Variants in NTM observed in about 807,000 individuals in gnomAD.
NTM encodes the protein neurotrimin.
NTM carries 13 observed loss-of-function variants against 42.1 expected under a neutral mutation model. The ratio of observed to expected loss-of-function variants is 0.31; its 90% CI spans 0.20 to 0.49. The LOEUF is 0.49. Among genes scored for constraint, NTM ranks in the 20% least tolerant of loss-of-function variants. The pLI, the probability that NTM is intolerant of heterozygous loss-of-function variation, is 0.99. For synonymous variants in NTM, 187 were observed against 179.2 expected (o/e 1.04, Z -0.35); for missense variants, 373 against 452.8 (o/e 0.82, Z 1.60).
intron 2 of NTM, among the ~76,000 whole-genome samples, chr11:131,919,187 T>C (rs2056868912): frequency 6.6e-6 from 1 of 151,736 alleles, no homozygotes; most frequent in Non-Finnish European, 1.5e-5. Context: ...TTAATGGTAA[T>C]GGCATGTTTG....
At chr11:131,373,064 C>T (rs1389251153) in intron 1 of NTM, among the ~76,000 whole-genome samples, 2 of 152,246 alleles carry the variant, frequency 1.3e-5, no homozygotes, top group East Asian at 1.9e-4. Context: ...CTTCAGTGGT[C>T]GTAATAGAAC....
At chr11:132,265,234 C>G in intron 4 of NTM, among the ~76,000 whole-genome samples, 1 of 152,066 alleles carries the variant, frequency 6.6e-6, no homozygotes, top group Non-Finnish European at 1.5e-5. Flanking sequence ...GCATTTTAAA[C>G]ATAAAAATGC....
intron 1 of NTM, among the ~76,000 whole-genome samples, chr11:131,452,906 G>A (rs1268772268): frequency 6.6e-6 from 1 of 152,164 alleles, no homozygotes; most frequent in Non-Finnish European, 1.5e-5. Context: ...CAAGGGAATG[G>A]CCATCTTCAT....
chr11:132,019,483 GAGATTGTGCTTTT>G (rs1319757285), intron 2 of NTM, among the ~76,000 whole-genome samples: 1 of 151,876 alleles, frequency 6.6e-6, no homozygotes, highest in African/African-American at 2.4e-5. Context: ...GCTGTATTTT[GAGATTGTGCTTTT>G]AGGTATGCAT....
At chr11:131,774,651 G>A (rs911837647) in intron 1 of NTM, among the ~76,000 whole-genome samples, 1 of 152,180 alleles carries the variant, frequency 6.6e-6, no homozygotes, top group Non-Finnish European at 1.5e-5. Context: ...ATTGTAGAAA[G>A]AGTTTATTCT....
At chr11:131,567,148 G>A (rs757521574) in intron 1 of NTM, among the ~76,000 whole-genome samples, 1 of 151,980 alleles carries the variant, frequency 6.6e-6, no homozygotes. Flanking sequence ...GAGACCCTGT[G>A]GGGGACTGGG....
intron 1 of NTM, among the ~76,000 whole-genome samples, chr11:131,848,232 A>C (rs2045151509): frequency 6.6e-6 from 1 of 152,154 alleles, no homozygotes; most frequent in African/African-American, 2.4e-5. Context: ...TACAGGTCTA[A>C]CTTGTGTATT....
chr11:131,543,751 G>A (rs1033844662), intron 1 of NTM, among the ~76,000 whole-genome samples: 7 of 152,296 alleles, frequency 4.6e-5, no homozygotes, highest in South Asian at 4.1e-4. Flanking sequence ...GCTGGTGCCC[G>A]TAGCCCTGCA....
chr11:131,463,602 C>T (rs1050502478), intron 1 of NTM, among the ~76,000 whole-genome samples: 3 of 152,202 alleles, frequency 2.0e-5, no homozygotes, highest in African/African-American at 7.2e-5. Context: ...CTTATTAATA[C>T]ATTTATCAAA....
chr11:132,099,659 C>G (rs1386930006), intron 2 of NTM, among the ~76,000 whole-genome samples: 2 of 152,182 alleles, frequency 1.3e-5, no homozygotes, highest in African/African-American at 4.8e-5. Context: ...AATTCTGCCA[C>G]TGCAGGACAG....
intron 1 of NTM, among the ~76,000 whole-genome samples, chr11:131,585,835 C>G (rs1441913786): frequency 6.6e-6 from 1 of 152,158 alleles, no homozygotes; most frequent in African/African-American, 2.4e-5. Context: ...CACTGTGGCT[C>G]CAGGCCATGT....
chr11:132,052,807 A>G (rs2079050574), intron 2 of NTM, among the ~76,000 whole-genome samples: 1 of 125,694 alleles, frequency 8.0e-6, no homozygotes, highest in African/African-American at 2.9e-5. Context: ...GTGTGTGTAA[A>G]TGCTCATTTA....
chr11:131,747,342 C>G (rs1291804536), intron 1 of NTM, among the ~76,000 whole-genome samples: 1 of 152,218 alleles, frequency 6.6e-6, no homozygotes, highest in Non-Finnish European at 1.5e-5. Context: ...CTGAGTCTTT[C>G]TGCAGAAGCT....
intron 2 of NTM, among the ~76,000 whole-genome samples, chr11:132,073,409 G>T (rs2057961504): frequency 6.6e-6 from 1 of 152,182 alleles, no homozygotes; most frequent in Non-Finnish European, 1.5e-5. Flanking sequence ...CCCCAGCAGT[G>T]CATGATGTTA....
Position 131,910,983 on chromosome 11 carries a change from G to C in NTM, c.83-581G>C, listed in dbSNP as rs549664199. 1.9e-5 allele frequency: 19 copies of C among 996,598 alleles called. 1 individual carries two copies. In the South Asian group the frequency reaches 5.0e-4, roughly 26 times the overall value. The allele number at this position is 996,598 out of a possible 1,614,324, so 61.7% of individuals were successfully genotyped here. A position where few individuals can be genotyped will look rare whatever the true frequency, so the allele number is the denominator to read the frequency against. ...CTGCTATTGTTTCCGATTGTTTTCCGGTGGCGAGCCCGGCTCCGAAACTTA... is the reference window on the plus strand; with the variant it reads ...CTGCTATTGTTTCCGATTGTTTTCCCGTGGCGAGCCCGGCTCCGAAACTTA... On this transcript the variant is annotated intron_variant, in intron 1 of 8. Transcript: ENST00000683400.
chr11:132,242,193 G>A (rs2090326494), intron 4 of NTM, among the ~76,000 whole-genome samples: 1 of 152,176 alleles, frequency 6.6e-6, no homozygotes, highest in Non-Finnish European at 1.5e-5. Flanking sequence ...CCCATCCTGG[G>A]TAACCCTCTG....
At chr11:132,177,678 C>G (rs1329839377) in intron 3 of NTM, among the ~76,000 whole-genome samples, 2 of 152,132 alleles carry the variant, frequency 1.3e-5, no homozygotes, top group Non-Finnish European at 2.9e-5. Flanking sequence ...GATTCCACAC[C>G]TGATCACTGA....
chr11:132,001,011 A>G (rs1453028382), intron 2 of NTM, among the ~76,000 whole-genome samples: 1 of 152,220 alleles, frequency 6.6e-6, no homozygotes, highest in Non-Finnish European at 1.5e-5. Flanking sequence ...TGTAGCATTC[A>G]TAGTCATCTG....
intron 2 of NTM, among the ~76,000 whole-genome samples, chr11:132,067,671 T>G (rs1451543447): frequency 3.3e-5 from 5 of 152,194 alleles, no homozygotes; most frequent in Non-Finnish European, 2.9e-5. Context: ...GCAAATTCCA[T>G]TACATGCAAG....
Sources: allele counts gnomAD v4.1 joint callset (sites outside exome capture counted in the v4.1 genomes callset), GRCh38; gene constraint gnomAD v4.1.1; transcripts MANE v1.5; gene names NCBI Gene and HGNC (gene_info 2026-07-23, HGNC 2026-07-21).